Variants in TOP6BL observed in about 807,000 individuals in gnomAD.
TOP6BL encodes TOP6B like initiator of meiotic double strand breaks.
chr11:66,797,600 G>A, the TOP6BL span, among the ~76,000 whole-genome samples: 1 of 151,514 alleles, frequency 6.6e-6, no homozygotes, highest in African/African-American at 2.4e-5. Flanking sequence ...TACCTCCAAG[G>A]TTCAAGTCAT....
At chr11:66,821,738 T>C in the TOP6BL span, 1 of 1,613,430 alleles carries the variant, frequency 6.2e-7, no homozygotes, top group Admixed American at 1.7e-5. Flanking sequence ...GGACAAGGTC[T>C]TGGAGCAACA....
chr11:66,749,605 T>G, the TOP6BL span, among the ~76,000 whole-genome samples: 1 of 152,190 alleles, frequency 6.6e-6, no homozygotes, highest in Non-Finnish European at 1.5e-5. Context: ...AGTCTCACTC[T>G]GTCGCCCAGG....
the TOP6BL span, among the ~76,000 whole-genome samples, chr11:66,842,664 C>A: frequency 1.3e-5 from 2 of 152,190 alleles, no homozygotes; most frequent in Non-Finnish European, 2.9e-5. Flanking sequence ...CCTGAAACGT[C>A]TCTGCAGCCT....
the TOP6BL span, among the ~76,000 whole-genome samples, chr11:66,780,861 C>T: frequency 1.3e-5 from 2 of 152,180 alleles, no homozygotes; most frequent in African/African-American, 4.8e-5. Flanking sequence ...GGATTATAGG[C>T]ATGAGCCACC....
At chr11:66,806,744 A>G in the TOP6BL span, among the ~76,000 whole-genome samples, 1 of 152,110 alleles carries the variant, frequency 6.6e-6, no homozygotes, top group Non-Finnish European at 1.5e-5. Flanking sequence ...CGACAGAGCA[A>G]GACTCTGTCT....
At chr11:66,800,148 T>C in the TOP6BL span, among the ~76,000 whole-genome samples, 3 of 152,000 alleles carry the variant, frequency 2.0e-5, no homozygotes, top group Non-Finnish European at 4.4e-5. Context: ...AGACAAATAC[T>C]GTATGATTTC....
At chr11:66,817,933 G>C in the TOP6BL span, among the ~76,000 whole-genome samples, 5 of 152,114 alleles carry the variant, frequency 3.3e-5, no homozygotes, top group African/African-American at 1.2e-4. Flanking sequence ...TAAACCCTGG[G>C]ACATAAATTT....
chr11:66,793,642 A>G, the TOP6BL span, among the ~76,000 whole-genome samples: 1 of 150,552 alleles, frequency 6.6e-6, no homozygotes, highest in Non-Finnish European at 1.5e-5. Context: ...ACGGGGTTTC[A>G]TCATCTTGGC....
At chr11:66,785,119 C>T in the TOP6BL span, among the ~76,000 whole-genome samples, 17 of 152,008 alleles carry the variant, frequency 1.1e-4, no homozygotes, top group South Asian at 3.1e-3. Context: ...CCATGCCCGG[C>T]TAATTTTTTA....
At chr11:66,796,780 CT>C in the TOP6BL span, among the ~76,000 whole-genome samples, 1,526 of 121,314 alleles carry the variant, frequency 0.013, 32 homozygotes, top group African/African-American at 0.047. Context: ...GAGACCCTGT[CT>C]TTGGAAAAAA....
At chr11:66,816,104 A>G in the TOP6BL span, 7 of 1,605,312 alleles carry the variant, frequency 4.4e-6, no homozygotes, top group Admixed American at 1.0e-4. Flanking sequence ...GAGGAGGATC[A>G]GTCTCAGACT....
At chr11:66,752,617 T>C in the TOP6BL span, among the ~76,000 whole-genome samples, 33 of 152,100 alleles carry the variant, frequency 2.2e-4, no homozygotes, top group South Asian at 1.0e-3. Flanking sequence ...CATGCCTGGC[T>C]AATTTTTGTA....
At chr11:66,751,360 A>G in the TOP6BL span, among the ~76,000 whole-genome samples, 1 of 151,434 alleles carries the variant, frequency 6.6e-6, no homozygotes, top group Non-Finnish European at 1.5e-5. Context: ...ACGCCCAGCT[A>G]ATTTTTGTAT....
chr11:66,758,610 G>A, the TOP6BL span, among the ~76,000 whole-genome samples: 52 of 152,056 alleles, frequency 3.4e-4, no homozygotes, highest in Non-Finnish European at 5.7e-4. Context: ...CACCGCACCC[G>A]GCCGGTATTT....
the TOP6BL span, among the ~76,000 whole-genome samples, chr11:66,786,577 TAAGATTTCTG>T: frequency 1.3e-5 from 2 of 152,218 alleles, no homozygotes; most frequent in African/African-American, 4.8e-5. Flanking sequence ...TTTAAATTAG[TAAGATTTCTG>T]AAGAATTCAG....
chr11:66,761,501 G>A, the TOP6BL span: 2 of 638,744 alleles, frequency 3.1e-6, no homozygotes, highest in Admixed American at 6.1e-5. Context: ...CAAAGCACAT[G>A]TCTAGCTTCA....
chr11:66,817,532 G>A, the TOP6BL span, among the ~76,000 whole-genome samples: 31 of 152,040 alleles, frequency 2.0e-4, no homozygotes, highest in African/African-American at 7.5e-4. Context: ...TCCACCTCCC[G>A]GGTTCAAGCA....
chr11:66,791,807 T>C, the TOP6BL span, among the ~76,000 whole-genome samples: 1 of 151,500 alleles, frequency 6.6e-6, no homozygotes, highest in Admixed American at 6.6e-5. Flanking sequence ...TCTCTCTTCC[T>C]CTTTCTAATA....
At chr11:66,776,132 C>T in the TOP6BL span, among the ~76,000 whole-genome samples, 1 of 151,618 alleles carries the variant, frequency 6.6e-6, no homozygotes, top group Non-Finnish European at 1.5e-5. Context: ...GATCTCGGCT[C>T]ACTGCAACCT....
Sources: allele counts gnomAD v4.1 joint callset (sites outside exome capture counted in the v4.1 genomes callset), GRCh38; gene constraint gnomAD v4.1.1; transcripts MANE v1.5; gene names NCBI Gene and HGNC (gene_info 2026-07-23, HGNC 2026-07-21).